Variants in FAM135B observed in about 807,000 individuals in gnomAD.
The protein encoded by FAM135B is family with sequence similarity 135 member B.
A neutral mutation model predicts 127.7 loss-of-function variants in FAM135B; 43 were observed. The ratio of observed to expected loss-of-function variants is 0.34; its 90% CI spans 0.26 to 0.43. The LOEUF (loss-of-function observed/expected upper bound fraction) is 0.43. Among genes scored for constraint, FAM135B ranks in the 20% least tolerant of loss-of-function variants. FAM135B has a pLI of 1.00. For synonymous variants in FAM135B, 670 were observed against 665.1 expected, an observed-to-expected ratio of 1.01 and a Z score of -0.11; for missense variants, 1,558 against 1,725.6, an observed-to-expected ratio of 0.90 and a Z score of 1.72.
chr8:138,195,633 TACACACACACACAC>T, intron 8 of FAM135B, among the ~76,000 whole-genome samples: 1 of 149,776 alleles, frequency 6.7e-6, no homozygotes, highest in East Asian at 2.0e-4. Context: ...TTTTTGCAGG[TACACACACACACAC>T]ACACACACAC....
chr8:138,448,661 T>A (rs1836326226), intron 1 of FAM135B, among the ~76,000 whole-genome samples: 1 of 151,948 alleles, frequency 6.6e-6, no homozygotes, highest in Admixed American at 6.6e-5. Context: ...TCAGCCTCCA[T>A]AATCACATGA....
chr8:138,148,681 T>C lies in FAM135B; in HGVS notation c.3287A>G (p.Tyr1096Cys), dbSNP rs201186853. The change falls in exon 14 of 20, where the codon TAT (tyrosine) becomes TGT (cysteine). Residue 1096 changes from tyrosine to cysteine, a missense_variant. By Grantham distance (194) the Tyr-to-Cys change is radical. Around this residue, in one of 5 missense-constraint regions of FAM135B, gnomAD observed 923 missense variants for 865.3 expected, o/e 1.07. Coordinates refer to ENST00000395297, the MANE Select transcript of FAM135B (RefSeq NM_015912.4). Reference sequence around the variant, plus strand: ...TTTTTTAAATTTTTCTTTGGCCTGATAAAAACTGGAGAATACACTAATTAA... The same window carrying C: ...TTTTTTAAATTTTTCTTTGGCCTGACAAAAACTGGAGAATACACTAATTAA... Reference protein sequence around the residue: ...EEVSERMFSFYQAKEKFKKEL... With the variant: ...EEVSERMFSFCQAKEKFKKEL... 6.2e-7 allele frequency: 1 copy of C among 1,602,812 alleles called. No individual in the cohort carries two copies. Among genetic ancestry groups the C allele is most frequent in the South Asian group, 1.1e-5 (1 of 89,346 alleles).
At chr8:138,357,588 G>A (rs998032799) in intron 2 of FAM135B, among the ~76,000 whole-genome samples, 2 of 151,860 alleles carry the variant, frequency 1.3e-5, no homozygotes. Context: ...ACATATATGT[G>A]TGCAACTGAA....
chr8:138,192,861 G>A (rs971290564), intron 9 of FAM135B, among the ~76,000 whole-genome samples: 1 of 152,192 alleles, frequency 6.6e-6, no homozygotes, highest in Non-Finnish European at 1.5e-5. Flanking sequence ...TCTAGGCAGT[G>A]GGTAAAATGA....
chr8:138,171,505 G>A (rs1395015211), intron 11 of FAM135B, among the ~76,000 whole-genome samples: 2 of 152,212 alleles, frequency 1.3e-5, no homozygotes, highest in African/African-American at 4.8e-5. Context: ...AACACATGCT[G>A]TTTTGTTCAA....
intron 12 of FAM135B, among the ~76,000 whole-genome samples, chr8:138,165,347 C>T (rs748207476): frequency 8.6e-5 from 13 of 151,802 alleles, no homozygotes; most frequent in Non-Finnish European, 1.6e-4. Context: ...CTCGAACTCC[C>T]GACCTCAGGT....
intron 1 of FAM135B, among the ~76,000 whole-genome samples, chr8:138,409,865 G>A (rs1340685894): frequency 2.7e-5 from 3 of 109,228 alleles, no homozygotes; most frequent in Non-Finnish European, 5.1e-5. Flanking sequence ...GGGCGACAGA[G>A]TAAGACTCCG....
chr8:138,368,896 CCTA>C (rs1830938143), intron 1 of FAM135B, among the ~76,000 whole-genome samples: 2 of 152,052 alleles, frequency 1.3e-5, no homozygotes, highest in African/African-American at 2.4e-5. Flanking sequence ...GTATTGGGCA[CCTA>C]CTATATTCTT....
chr8:138,458,053 G>A (rs1836904290), intron 1 of FAM135B, among the ~76,000 whole-genome samples: 1 of 151,958 alleles, frequency 6.6e-6, no homozygotes, highest in African/African-American at 2.4e-5. Flanking sequence ...ATGAGAGGTT[G>A]AGACACGAGA....
chr8:138,179,015 A>C (rs1182786120), intron 9 of FAM135B, among the ~76,000 whole-genome samples: 1 of 152,124 alleles, frequency 6.6e-6, no homozygotes, highest in African/African-American at 2.4e-5. Context: ...ACTTTCATGT[A>C]TGTTCTGAGT....
At chr8:138,348,049 G>A (rs1166724555) in intron 2 of FAM135B, among the ~76,000 whole-genome samples, 1 of 151,304 alleles carries the variant, frequency 6.6e-6, no homozygotes, top group African/African-American at 2.4e-5. Flanking sequence ...TGTACAATGA[G>A]GTCCTCATGT....
chr8:138,263,549 T>C (rs1267374872), intron 4 of FAM135B, among the ~76,000 whole-genome samples: 1 of 152,228 alleles, frequency 6.6e-6, no homozygotes, highest in Non-Finnish European at 1.5e-5. Flanking sequence ...ATTTGTTCTT[T>C]TAAATTTTGA....
intron 2 of FAM135B, among the ~76,000 whole-genome samples, chr8:138,315,183 A>C (rs943245644): frequency 6.6e-6 from 1 of 152,128 alleles, no homozygotes; most frequent in Admixed American, 6.5e-5. Flanking sequence ...TTTCCAAAGA[A>C]AACATTCAAA....
At chr8:138,308,958 C>T (rs1280301883) in intron 3 of FAM135B, 1 of 449,830 alleles carries the variant, frequency 2.2e-6, no homozygotes, top group Admixed American at 2.4e-5. Flanking sequence ...CCCCTGATGA[C>T]ATGACCACAG....
At chr8:138,210,165 G>A (rs1293834046) in intron 7 of FAM135B, among the ~76,000 whole-genome samples, 3 of 152,194 alleles carry the variant, frequency 2.0e-5, no homozygotes, top group Non-Finnish European at 4.4e-5. Flanking sequence ...TGTGACCATT[G>A]TGTCTGTCTC....
intron 6 of FAM135B, among the ~76,000 whole-genome samples, chr8:138,248,464 T>A (rs1269356451): frequency 6.6e-6 from 1 of 152,180 alleles, no homozygotes; most frequent in Non-Finnish European, 1.5e-5. Context: ...CATGCAGCAC[T>A]ATATACTTCA....
intron 9 of FAM135B, among the ~76,000 whole-genome samples, chr8:138,191,655 T>C (rs1279878696): frequency 6.6e-6 from 1 of 152,124 alleles, no homozygotes; most frequent in African/African-American, 2.4e-5. Context: ...TGGGAAATGT[T>C]TGTGAAATTA....
intron 2 of FAM135B, among the ~76,000 whole-genome samples, chr8:138,337,057 A>G (rs1380048359): frequency 5.3e-5 from 8 of 151,992 alleles, no homozygotes; most frequent in African/African-American, 1.7e-4. Context: ...AAATTCAACA[A>G]CCCTTCATGC....
At chr8:138,172,236 T>G (rs755979787) in intron 11 of FAM135B, among the ~76,000 whole-genome samples, 1 of 152,186 alleles carries the variant, frequency 6.6e-6, no homozygotes, top group Non-Finnish European at 1.5e-5. Context: ...TTTCTGACTC[T>G]CCAAGGCTCT....
Sources: allele counts gnomAD v4.1 joint callset (sites outside exome capture counted in the v4.1 genomes callset), GRCh38; gene constraint gnomAD v4.1.1; regional missense constraint gnomAD v4.1.1; transcripts MANE v1.5; gene names NCBI Gene and HGNC (gene_info 2026-07-23, HGNC 2026-07-21).